The following MSRA variants were observed in gnomAD, a reference collection of about 807,000 sequenced individuals.
MSRA encodes methionine sulfoxide reductase A, also known as mitochondrial peptide methionine sulfoxide reductase.
In MSRA, 54 loss-of-function variants were observed where a neutral mutation model predicts 31.3. That is an observed-to-expected ratio of 1.73 (90% CI 1.39 to 2.17). The LOEUF (loss-of-function observed/expected upper bound fraction) is 2.17. Among genes scored for constraint, MSRA ranks in the 30% most tolerant of loss-of-function variants. The pLI is 0.00. For missense variants in MSRA, 507 were observed against 300.9 expected, an observed-to-expected ratio of 1.69 and a Z score of -5.07; for synonymous variants, 169 against 116.5, an observed-to-expected ratio of 1.45 and a Z score of -2.90.
At chr8:10,283,836 T>TATATATATATACAC (rs1261287031) in intron 3 of MSRA, among the ~76,000 whole-genome samples, 25 of 53,164 alleles carry the variant, frequency 4.7e-4, no homozygotes, top group African/African-American at 1.6e-3. Context: ...TATATATATA[T>TATATATATATACAC]ACACACACAC....
chr8:10,132,046 G>C (rs1801933660), intron 1 of MSRA, among the ~76,000 whole-genome samples: 1 of 152,184 alleles, frequency 6.6e-6, no homozygotes, highest in Admixed American at 6.5e-5. Flanking sequence ...AGAGAAGACT[G>C]ACATGTGTTA....
At chr8:10,219,576 GA>G (rs1810297847) in intron 2 of MSRA, among the ~76,000 whole-genome samples, 1 of 152,114 alleles carries the variant, frequency 6.6e-6, no homozygotes, top group Non-Finnish European at 1.5e-5. Flanking sequence ...TTGGGAGGCT[GA>G]GGTGGGTGGA....
chr8:10,411,388 T>C (rs1202692114), intron 5 of MSRA: 3 of 152,334 alleles, frequency 2.0e-5, no homozygotes, highest in South Asian at 2.1e-4. Flanking sequence ...TTCTTAACCA[T>C]GTGGAGCTGG....
chr8:10,132,167 A>G lies in MSRA; in HGVS notation c.143-75666A>G, dbSNP rs558405643. Among the ~76,000 whole-genome samples the G allele has an allele frequency of 3.3e-5, 5 of 152,328 alleles. No homozygotes were observed. The South Asian group carries it at 8.3e-4, about 25-fold the overall frequency. ...GAACCGTGCTTTTCAATGAGGTGAT[A>G]TTGGTCCTGATCGTTCTGTAAATTG... On this transcript the variant is annotated intron_variant, in intron 1 of 5. Transcript: ENST00000317173.
At chr8:10,350,828 G>T (rs1296613109) in intron 5 of MSRA, among the ~76,000 whole-genome samples, 3 of 152,184 alleles carry the variant, frequency 2.0e-5, no homozygotes, top group Admixed American at 6.5e-5. Context: ...CCCTCTTCCA[G>T]TTCCCAGGGT....
intron 1 of MSRA, among the ~76,000 whole-genome samples, chr8:10,060,259 C>A (rs534091394): frequency 1.3e-5 from 2 of 152,228 alleles, no homozygotes; most frequent in South Asian, 2.1e-4. Flanking sequence ...TTCATTGTCA[C>A]AATGGATATG....
At chr8:10,316,523 G>T (rs1408314113) in intron 4 of MSRA, among the ~76,000 whole-genome samples, 1 of 93,990 alleles carries the variant, frequency 1.1e-5, no homozygotes, top group African/African-American at 4.3e-5. Flanking sequence ...CTACTTTGAT[G>T]ATCCCTCTCT....
chr8:10,060,709 A>C (rs1802667871), intron 1 of MSRA, among the ~76,000 whole-genome samples: 2 of 152,058 alleles, frequency 1.3e-5, no homozygotes, highest in South Asian at 4.1e-4. Context: ...TTTGTAATCA[A>C]AATCTACATT....
At chr8:10,245,715 T>A (rs1057229336) in intron 3 of MSRA, among the ~76,000 whole-genome samples, 19 of 152,220 alleles carry the variant, frequency 1.2e-4, no homozygotes, top group African/African-American at 4.1e-4. Context: ...CACACTGGCC[T>A]GAGCTAATTC....
At chr8:10,425,307 C>G (rs1002852056) in intron 5 of MSRA, among the ~76,000 whole-genome samples, 2 of 152,206 alleles carry the variant, frequency 1.3e-5, no homozygotes, top group Admixed American at 6.5e-5. Context: ...TGCGGTTTCC[C>G]TGCTCGCCTT....
At chr8:10,396,208 G>A (rs1358722558) in intron 5 of MSRA, among the ~76,000 whole-genome samples, 1 of 152,174 alleles carries the variant, frequency 6.6e-6, no homozygotes, top group Non-Finnish European at 1.5e-5. Flanking sequence ...ACAAGGCCAG[G>A]CCTCCAGGAA....
chr8:10,404,566 G>A (rs893173914), intron 5 of MSRA, among the ~76,000 whole-genome samples: 9 of 152,248 alleles, frequency 5.9e-5, no homozygotes, highest in South Asian at 2.1e-4. Context: ...ACGATCTGCC[G>A]TCAGCAGCTG....
At chr8:10,282,541 A>T (rs952855593) in intron 3 of MSRA, among the ~76,000 whole-genome samples, 1 of 152,156 alleles carries the variant, frequency 6.6e-6, no homozygotes, top group African/African-American at 2.4e-5. Flanking sequence ...GTCCAGCCCT[A>T]TTATCTCTGT....
chr8:10,204,647 A>G (rs569893309), intron 1 of MSRA, among the ~76,000 whole-genome samples: 2 of 152,236 alleles, frequency 1.3e-5, no homozygotes, highest in East Asian at 1.9e-4. Context: ...GTGTTGCCCA[A>G]TGACAAAATG....
At chr8:10,073,562 C>T (rs367891896) in intron 1 of MSRA, among the ~76,000 whole-genome samples, 1 of 151,672 alleles carries the variant, frequency 6.6e-6, no homozygotes, top group East Asian at 1.9e-4. Flanking sequence ...TTTTTTCTTT[C>T]TTTTTTTCCA....
chr8:10,376,358 C>T (rs980542413), intron 5 of MSRA, among the ~76,000 whole-genome samples: 4 of 152,206 alleles, frequency 2.6e-5, no homozygotes, highest in Non-Finnish European at 4.4e-5. Context: ...AGGACTGCGC[C>T]TGTATTTTTA....
intron 1 of MSRA, among the ~76,000 whole-genome samples, chr8:10,061,958 C>A (rs144520134): frequency 6.6e-6 from 1 of 152,118 alleles, no homozygotes; most frequent in African/African-American, 2.4e-5. Flanking sequence ...CCTTGGCCTG[C>A]GATCTTCAGG....
At chr8:10,074,140 T>G (rs1250862201) in intron 1 of MSRA, among the ~76,000 whole-genome samples, 1 of 139,472 alleles carries the variant, frequency 7.2e-6, no homozygotes, top group Non-Finnish European at 1.5e-5. Context: ...TGGAGTGCAG[T>G]GGTGCGATCT....
intron 1 of MSRA, among the ~76,000 whole-genome samples, chr8:10,178,328 G>T (rs777348421): frequency 6.6e-6 from 1 of 152,158 alleles, no homozygotes; most frequent in African/African-American, 2.4e-5. Flanking sequence ...GGTGGCTCAT[G>T]TGTGTAATCT....
Sources: gnomAD v4.1 joint callset for allele counts (sites outside exome capture counted in the v4.1 genomes callset) on GRCh38, gnomAD v4.1.1 for gene constraint, MANE v1.5 for transcripts, NCBI Gene and HGNC (gene_info 2026-07-23, HGNC 2026-07-21) for gene names.